PCDHGA6: variants seen among roughly 807,000 people sequenced by gnomAD.
PCDHGA6 encodes the protein protocadherin gamma-A6.
Under a neutral mutation model 60.6 loss-of-function variants are expected in PCDHGA6, and 41 were observed. The observed-to-expected ratio is 0.68, with a 90% CI of 0.53 to 0.88. The LOEUF (loss-of-function observed/expected upper bound fraction) is 0.88. Among genes scored for constraint, PCDHGA6 ranks in the 40% least tolerant of loss-of-function variants. The probability of loss-of-function intolerance (pLI) is 0.00; values close to 1 mark genes in which losing one functional copy is unlikely to be tolerated. For synonymous variants in PCDHGA6, 594 were observed against 524.4 expected, an observed-to-expected ratio of 1.13 and a Z score of -1.81; for missense variants, 1,312 against 1,203.0, an observed-to-expected ratio of 1.09 and a Z score of -1.34.
rs769461165 is a variant in PCDHGA6, at chr5:141,491,293, C to G, written c.2425-3514C>G. 2 of 1,614,048 alleles carry G rather than the reference C, an allele frequency of 1.2e-6. No individual in the cohort carries two copies. Among genetic ancestry groups the G allele is most frequent in the Admixed American group, 3.3e-5 (2 of 60,008 alleles). ...ATCCAGTGACTTCCTCATACACCCT[C>G]CTGAGCGTTCAGACCTTACCCTTTA... On this transcript the variant is annotated intron_variant, in intron 1 of 3. Coordinates refer to ENST00000517434, the MANE Select transcript of PCDHGA6 (RefSeq NM_018919.3). This position sits in a 1 kb window ranked among gnomAD's most constrained non-coding sequence, Gnocchi z 6.9.
rs1219684339 is a variant in PCDHGA6, at chr5:141,506,444, CAAAAAAAAAAA to C, written c.2572+974_2572+984del. Among the ~76,000 whole-genome samples, 33 of 95,024 alleles carry C rather than the reference CAAAAAAAAAAA, an allele frequency of 3.5e-4. No individual in the cohort carries two copies. The East Asian group carries it at 0.011, about 31-fold the overall frequency. The allele number at this position is 95,024 out of a possible 152,430, so 62.3% of individuals were successfully genotyped here. On this transcript the variant is annotated intron_variant, in intron 3 of 3. Coordinates refer to ENST00000517434, the MANE Select transcript of PCDHGA6 (RefSeq NM_018919.3). ...CCTGGGCAACAGTCTCGCTCTGTCTCAAAAAAAAAAAAAAAAAAAAAGAGCACAGGCTTTAG... is the reference window on the plus strand; with the variant it reads ...CCTGGGCAACAGTCTCGCTCTGTCTCAAAAAAAAAAGAGCACAGGCTTTAG...
At chr5:141,414,414 C>T (rs376404716) in intron 1 of PCDHGA6, 4 of 1,613,830 alleles carry the variant, frequency 2.5e-6, no homozygotes, top group South Asian at 1.1e-5. Context: ...TACACAGAGC[C>T]CTTGACAGGG....
intron 1 of PCDHGA6, chr5:141,415,561 T>C (rs11575963): frequency 0.067 from 108,836 of 1,614,090 alleles, 4,260 homozygotes; most frequent in Non-Finnish European, 0.077. Context: ...CGATCCTTTG[T>C]CTTTGTTAGA....
At chr5:141,408,513 T>C in intron 1 of PCDHGA6, 2 of 1,614,034 alleles carry the variant, frequency 1.2e-6, no homozygotes, top group East Asian at 4.5e-5. Context: ...AGATGTGAGT[T>C]GCAATTGGAA....
At chr5:141,430,220 G>A (rs1216694883) in intron 1 of PCDHGA6, among the ~76,000 whole-genome samples, 1 of 148,674 alleles carries the variant, frequency 6.7e-6, no homozygotes, top group Non-Finnish European at 1.5e-5. Flanking sequence ...TATATTATAT[G>A]ATTTGTCAAA....
At chr5:141,402,881 G>T in intron 1 of PCDHGA6, 1 of 1,477,920 alleles carries the variant, frequency 6.8e-7, no homozygotes. Context: ...ATACTTTGCA[G>T]GGTGGAAGAA....
intron 1 of PCDHGA6, among the ~76,000 whole-genome samples, chr5:141,437,250 G>T (rs1191184272): frequency 6.6e-6 from 1 of 152,102 alleles, no homozygotes; most frequent in African/African-American, 2.4e-5. Flanking sequence ...GACTTTCCTT[G>T]TCTTTTTATG....
chr5:141,418,985 T>G, intron 1 of PCDHGA6: 1 of 1,613,882 alleles, frequency 6.2e-7, no homozygotes, highest in Non-Finnish European at 8.5e-7. Context: ...GGACCAAGAC[T>G]CAGGGGAAAA....
At chr5:141,393,265 G>T (rs755014362) in intron 1 of PCDHGA6, 3 of 1,613,904 alleles carry the variant, frequency 1.9e-6, no homozygotes, top group South Asian at 1.1e-5. Flanking sequence ...CCTGGAGCAC[G>T]TTATCCACTC....
At chr5:141,380,946 C>T (rs555019785) in intron 1 of PCDHGA6, among the ~76,000 whole-genome samples, 2 of 152,210 alleles carry the variant, frequency 1.3e-5, no homozygotes, top group African/African-American at 2.4e-5. Flanking sequence ...CTTGCCTCAA[C>T]AAGAAGTTCA....
intron 1 of PCDHGA6, 30 bp downstream of exon 1, chr5:141,376,537 G>A (rs753618601): frequency 1.2e-6 from 2 of 1,613,388 alleles, no homozygotes; most frequent in African/African-American, 1.3e-5. Context: ...AGCGGGAAGA[G>A]TAATCTGATC....
chr5:141,416,699 T>C (rs1232694721), intron 1 of PCDHGA6: 1 of 152,092 alleles, frequency 6.6e-6, no homozygotes, highest in Non-Finnish European at 1.5e-5. Context: ...AAACAAAGGA[T>C]CATTGGAGGT....
intron 1 of PCDHGA6, chr5:141,384,896 A>G (rs1588983120): frequency 1.2e-6 from 2 of 1,613,766 alleles, no homozygotes; most frequent in African/African-American, 1.3e-5. Flanking sequence ...GCTGTGGCTG[A>G]CAGCATCCCC....
rs773944794 is a variant in PCDHGA6 at position 141,477,003 on chromosome 5, C to T, written c.2425-17804C>T. 1.2e-6 allele frequency: 2 copies of T among 1,614,214 alleles called. No homozygotes were observed. The highest frequency in any genetic ancestry group is 8.5e-7 in the Non-Finnish European group (1 of 1,180,040). On this transcript the variant is annotated intron_variant, in intron 1 of 3. Transcript: ENST00000517434. This position sits in a 1 kb window ranked among gnomAD's most constrained non-coding sequence, Gnocchi z 4.9. ...CGCGCCGGCGTGCGGCAACTATTCG[C>T]CTTAGACCTTGTAACCGGGATGCTG...
At chr5:141,389,432 C>G in intron 1 of PCDHGA6, 1 of 1,610,650 alleles carries the variant, frequency 6.2e-7, no homozygotes, top group Non-Finnish European at 8.5e-7. Context: ...TCGCGCAGCG[C>G]GCCTTCGACC....
chr5:141,428,121 G>T (rs764584436), intron 1 of PCDHGA6: 1 of 1,605,860 alleles, frequency 6.2e-7, no homozygotes. Context: ...CATCGAGCCC[G>T]GGCTTTTCAG....
chr5:141,423,762 G>GT, intron 1 of PCDHGA6: 1 of 264,254 alleles, frequency 3.8e-6, no homozygotes, highest in Non-Finnish European at 5.6e-6. Context: ...GGGGGGGGGT[G>GT]GGGCGGCATA....
At chr5:141,464,279 C>CAAA (rs373828487) in intron 1 of PCDHGA6, among the ~76,000 whole-genome samples, 8 of 137,748 alleles carry the variant, frequency 5.8e-5, no homozygotes, top group Admixed American at 1.5e-4. Flanking sequence ...AAAAAAAAAG[C>CAAA]AAAAAAAAAA....
At chr5:141,467,630 T>A (rs1483747040) in intron 1 of PCDHGA6, among the ~76,000 whole-genome samples, 2 of 152,194 alleles carry the variant, frequency 1.3e-5, no homozygotes, top group African/African-American at 4.8e-5. Flanking sequence ...TGAGATAGCA[T>A]CTTTATCATG....
Sources: allele counts gnomAD v4.1 joint callset (sites outside exome capture counted in the v4.1 genomes callset), GRCh38; gene constraint gnomAD v4.1.1; non-coding constraint Gnocchi (gnomAD v3.1); transcripts MANE v1.5; gene names NCBI Gene and HGNC (gene_info 2026-07-23, HGNC 2026-07-21).